The following ZSWIM7 variants were observed in gnomAD, a reference collection of about 807,000 sequenced individuals.
The protein encoded by ZSWIM7 is zinc finger SWIM-type containing 7, also known as zinc finger SWIM domain-containing protein 7.
ZSWIM7 carries 22 observed loss-of-function variants against 21.1 expected under a neutral mutation model. The ratio of observed to expected loss-of-function variants is 1.04; its 90% CI spans 0.74 to 1.49. The LOEUF is 1.49. Among genes scored for constraint, ZSWIM7 ranks in the 40% most tolerant of loss-of-function variants. The pLI, the probability that ZSWIM7 is intolerant of heterozygous loss-of-function variation, is 0.00. For missense variants in ZSWIM7, 193 were observed against 168.0 expected, an observed-to-expected ratio of 1.15 and a Z score of -0.82; for synonymous variants, 67 against 66.5, an observed-to-expected ratio of 1.01 and a Z score of -0.04.
chr17:15,982,861 C>T (rs1193116749), intron 3 of ZSWIM7, among the ~76,000 whole-genome samples: 2 of 152,006 alleles, frequency 1.3e-5, no homozygotes, highest in Non-Finnish European at 2.9e-5. Context: ...CTATGTTGTC[C>T]AGGCTGGTCT....
chr17:15,977,975 T>C lies in ZSWIM7; in HGVS notation c.*72A>G, dbSNP rs146569763. ...AGATCCATTTCACCTCTTTTCCATG[T>C]GAATCATGACGCTTTCAATGCATTT... On this transcript the variant is annotated 3_prime_UTR_variant, in exon 5 of 5. Coordinates refer to ENST00000399277, the MANE Select transcript of ZSWIM7 (RefSeq NM_001042697.2). The C allele has an allele frequency of 2.5e-5, 31 of 1,233,860 alleles. No individual in the cohort carries two copies. The African/African-American group carries it at 4.0e-4, about 16-fold the overall frequency. The allele number at this position is 1,233,860 out of a possible 1,614,324, so 76.4% of individuals were successfully genotyped here.
chr17:15,998,169 C>A (rs1224632486), intron 1 of ZSWIM7, among the ~76,000 whole-genome samples: 1 of 152,022 alleles, frequency 6.6e-6, no homozygotes, highest in Non-Finnish European at 1.5e-5. Flanking sequence ...CAGAACAGTT[C>A]TGGCGATTAT....
intron 1 of ZSWIM7, among the ~76,000 whole-genome samples, chr17:15,995,717 C>T (rs1025843759): frequency 6.6e-6 from 1 of 151,626 alleles, no homozygotes; most frequent in African/African-American, 2.4e-5. Context: ...CAACAGAGGA[C>T]ATCCAGTAAC....
Position 15,999,571 on chromosome 17 carries a change from A to T in ZSWIM7, c.24T>A (p.Val8=). 1 of 1,585,132 alleles carries T rather than the reference A, an allele frequency of 6.3e-7. No individual in the cohort carries two copies. Among genetic ancestry groups the T allele is most frequent in the Non-Finnish European group, 8.6e-7 (1 of 1,165,266 alleles). MAVVLPA[V]VEELLSEMAA... ...CCATCTCGCTCAGGAGCTCCTCCAC[A>T]ACCGCCGGCAACACTACGGCCATCG... Residue 8 remains valine (V), a synonymous_variant, in exon 1 of 5, where the codon GTT becomes GTA. Coordinates refer to ENST00000399277, the MANE Select transcript of ZSWIM7 (RefSeq NM_001042697.2).
intron 3 of ZSWIM7, among the ~76,000 whole-genome samples, chr17:15,985,191 C>T (rs1314790017): frequency 9.2e-5 from 14 of 151,940 alleles, no homozygotes; most frequent in Non-Finnish European, 1.0e-4. Flanking sequence ...GTAATCCCAG[C>T]TACTCAGGAG....
At chr17:15,991,924 T>TTTCG (rs1158095014) in intron 2 of ZSWIM7, among the ~76,000 whole-genome samples, 4 of 145,776 alleles carry the variant, frequency 2.7e-5, no homozygotes, top group African/African-American at 1.1e-4. Context: ...GTTTGTTTTG[T>TTTCG]TTTGTTTTGT....
intron 3 of ZSWIM7, among the ~76,000 whole-genome samples, chr17:15,985,237 G>A (rs1395603001): frequency 6.6e-6 from 1 of 151,178 alleles, no homozygotes; most frequent in Non-Finnish European, 1.5e-5. Flanking sequence ...CCAGGAGGCA[G>A]AGGTTGCAGT....
rs1970558177 is a variant in ZSWIM7, at chr17:15,996,585, C to T, written c.77-2807G>A. 2.6e-5 allele frequency among the ~76,000 whole-genome samples: 4 copies of T among 152,136 alleles called. No homozygotes were observed. In the South Asian group the frequency reaches 8.3e-4, roughly 32 times the overall value. ...TCTCAAAAAATAGAAAAGAAAGCCTCAAAAGGTACATCTCATGCCCCCTTC... is the reference window on the plus strand; with the variant it reads ...TCTCAAAAAATAGAAAAGAAAGCCTTAAAAGGTACATCTCATGCCCCCTTC... On this transcript the variant is annotated intron_variant, in intron 1 of 4. Transcript: ENST00000399277.
chr17:15,978,323 C>G (rs1970304499), intron 4 of ZSWIM7, among the ~76,000 whole-genome samples, 160 bp from the exon 5 acceptor site: 1 of 152,170 alleles, frequency 6.6e-6, no homozygotes, highest in Non-Finnish European at 1.5e-5. Context: ...ATGGGCCGGG[C>G]ATGGTGGCTC....
intron 3 of ZSWIM7, among the ~76,000 whole-genome samples, chr17:15,982,224 C>T (rs534210803): frequency 5.1e-4 from 77 of 152,248 alleles, no homozygotes; most frequent in Non-Finnish European, 8.5e-4. Flanking sequence ...CACAAATTTG[C>T]TGGAGAAATC....
At position 15,977,974 on chromosome 17, in the gene ZSWIM7, G is replaced by A; in HGVS notation, c.*73C>T. The A allele has an allele frequency of 8.2e-7, 1 of 1,222,408 alleles. No homozygotes were observed. Among genetic ancestry groups the A allele is most frequent in the Non-Finnish European group, 1.2e-6 (1 of 832,120 alleles). 75.7% of individuals were successfully genotyped at this position (1,222,408 alleles called of 1,614,324 possible). A position where few individuals can be genotyped will look rare whatever the true frequency, so the allele number is the denominator to read the frequency against. Reference sequence around the variant, plus strand: ...AAGATCCATTTCACCTCTTTTCCATGTGAATCATGACGCTTTCAATGCATT... The same window carrying A: ...AAGATCCATTTCACCTCTTTTCCATATGAATCATGACGCTTTCAATGCATT... On this transcript the variant is annotated 3_prime_UTR_variant, in exon 5 of 5. Transcript: ENST00000399277.
At chr17:15,998,662 C>T (rs947903955) in intron 1 of ZSWIM7, among the ~76,000 whole-genome samples, 1 of 152,076 alleles carries the variant, frequency 6.6e-6, no homozygotes. Flanking sequence ...CAAAGAGTAC[C>T]CTCTGCTGGT....
chr17:15,993,913 C>A lies in ZSWIM7; in HGVS notation c.77-135G>T, dbSNP rs867651027. Reference sequence around the variant, plus strand: ...CTGAACCTATGCATCTGGTTTTACTCCTTCCCCAAACCCCACTAAAACCAT... The same window carrying A: ...CTGAACCTATGCATCTGGTTTTACTACTTCCCCAAACCCCACTAAAACCAT... On this transcript the variant is annotated intron_variant, in intron 1 of 4. Coordinates refer to ENST00000399277, the MANE Select transcript of ZSWIM7 (RefSeq NM_001042697.2). 31 of 614,086 alleles carry A rather than the reference C, an allele frequency of 5.0e-5. 1 individual carries two copies. The Middle Eastern group carries it at 7.7e-3, about 153-fold the overall frequency. 38.0% of individuals were successfully genotyped at this position (614,086 alleles called of 1,614,324 possible). A position where few individuals can be genotyped will look rare whatever the true frequency, so the allele number is the denominator to read the frequency against.
Position 15,993,656 on chromosome 17 carries a change from G to A in ZSWIM7, c.98+101C>T, listed in dbSNP as rs575639606. 3 of 957,654 alleles carry A rather than the reference G, an allele frequency of 3.1e-6. No homozygotes were observed. The South Asian group carries it at 4.2e-5, about 13-fold the overall frequency. 59.3% of individuals were successfully genotyped at this position (957,654 alleles called of 1,614,324 possible). A position where few individuals can be genotyped will look rare whatever the true frequency, so the allele number is the denominator to read the frequency against. On this transcript the variant is annotated intron_variant, in intron 2 of 4. Coordinates refer to ENST00000399277, the MANE Select transcript of ZSWIM7 (RefSeq NM_001042697.2). ...GCTGGGATTATAGGCGTGAGCCACT[G>A]CGCCCGGTCAAGAGTATTTTTAAAA...
At chr17:15,987,127 G>A (rs369489702) in intron 3 of ZSWIM7, 139 bp downstream of exon 3, 460 of 583,018 alleles carry the variant, frequency 7.9e-4, no homozygotes, top group Middle Eastern at 3.4e-3. Context: ...TTATCAATTC[G>A]TTAATTTTAC....
At chr17:15,979,736 G>A (rs1466842542) in intron 4 of ZSWIM7, among the ~76,000 whole-genome samples, 2 of 143,664 alleles carry the variant, frequency 1.4e-5, no homozygotes, top group East Asian at 2.1e-4. Flanking sequence ...TTCCCAGTAG[G>A]GGCGGCTGGG....
At chr17:15,993,916 T>G in intron 1 of ZSWIM7, 138 bp from the exon 2 acceptor site, 1 of 591,688 alleles carries the variant, frequency 1.7e-6, no homozygotes, top group Non-Finnish European at 3.1e-6. Flanking sequence ...TTTTACTCCT[T>G]CCCCAAACCC....
chr17:15,990,246 C>T (rs369785939), intron 2 of ZSWIM7, among the ~76,000 whole-genome samples: 1 of 101,828 alleles, frequency 9.8e-6, no homozygotes, highest in Admixed American at 9.9e-5. Flanking sequence ...AAGCAATAAA[C>T]CAAAATTTAA....
At chr17:15,998,755 C>CTT (rs10551472) in intron 1 of ZSWIM7, among the ~76,000 whole-genome samples, 2 of 130,300 alleles carry the variant, frequency 1.5e-5, no homozygotes, top group Non-Finnish European at 1.6e-5. Flanking sequence ...TCTTAAAATG[C>CTT]TTTTTTTTTT....
Sources: gnomAD v4.1 joint callset for allele counts (sites outside exome capture counted in the v4.1 genomes callset) on GRCh38, gnomAD v4.1.1 for gene constraint, MANE v1.5 for transcripts, NCBI Gene and HGNC (gene_info 2026-07-23, HGNC 2026-07-21) for gene names.